The following PYGO1 variants were observed in gnomAD, a reference collection of about 807,000 sequenced individuals.
PYGO1 encodes the protein pygopus homolog 1.
PYGO1 carries 6 observed loss-of-function variants against 29.5 expected under a neutral mutation model. The ratio of observed to expected loss-of-function variants is 0.20; its 90% CI spans 0.11 to 0.40. The LOEUF (loss-of-function observed/expected upper bound fraction) is 0.40. Ranked by LOEUF, PYGO1 falls within the 10% of genes least tolerant of loss-of-function variation. The probability of loss-of-function intolerance (pLI) is 1.00; values close to 1 mark genes in which losing one functional copy is unlikely to be tolerated. For synonymous variants in PYGO1, 186 were observed against 180.5 expected, an observed-to-expected ratio of 1.03 and a Z score of -0.24; for missense variants, 515 against 514.9, an observed-to-expected ratio of 1.00 and a Z score of 0.00.
chr15:55,546,236 C>T lies in PYGO1; in HGVS notation c.1047G>A (p.Glu349=), dbSNP rs1220138353. 1.2e-6 allele frequency: 2 copies of T among 1,614,172 alleles called. No homozygotes were observed. Among genetic ancestry groups the T allele is most frequent in the Admixed American group, 1.7e-5 (1 of 60,028 alleles). Residue 349 remains glutamate (E), a synonymous_variant, in exon 3 of 3, where the codon GAG becomes GAA. Transcript: ENST00000563719. ...AGATGGCATCCTGATCATCGTTCAC[C>T]TCGTTTGTACAAATTCCACAAGGAT... is the stretch of plus-strand genomic sequence containing the variant. ...PVYPCGICTN[E]VNDDQDAILC...
rs902153248 is a variant in PYGO1, at chr15:55,548,899, T to G, written c.135+11A>C. ...AAAGAAAAACTTTTATTAAAGAAAA[T>G]GTCAGTTTACCTGTGTATTTGCCTT... On this transcript the variant is annotated intron_variant, in intron 2 of 2. Coordinates refer to ENST00000563719, the MANE Select transcript of PYGO1 (RefSeq NM_001367806.1). 5.0e-6 allele frequency: 8 copies of G among 1,606,656 alleles called. No individual in the cohort carries two copies. The Admixed American group carries it at 8.5e-5, about 17-fold the overall frequency.
At chr15:55,564,827 G>A (rs1012380743) in intron 1 of PYGO1, among the ~76,000 whole-genome samples, 13 of 152,170 alleles carry the variant, frequency 8.5e-5, no homozygotes, top group African/African-American at 3.1e-4. Context: ...AGGATATCAA[G>A]GTATCAGTAG....
In PYGO1 at chr15:55,544,546, C is replaced by T. The variant is rs2058841428; in HGVS notation, c.*1477G>A. The T allele has an allele frequency of 6.6e-6, 1 of 152,052 alleles. No homozygotes were observed. The highest frequency in any genetic ancestry group is 6.6e-5 in the Admixed American group (1 of 15,250). The allele number at this position is 152,052 out of a possible 1,614,324, so 9.4% of individuals were successfully genotyped here. ...GAAAGTGTAGGTTCTTGTGTGTTAC[C>T]CAAAGGACATTGTTTTTAAATCACA... On this transcript the variant is annotated 3_prime_UTR_variant, in exon 3 of 3. Coordinates refer to ENST00000563719, the MANE Select transcript of PYGO1 (RefSeq NM_001367806.1).
intron 1 of PYGO1, among the ~76,000 whole-genome samples, chr15:55,567,591 G>A (rs997610606): frequency 9.9e-5 from 15 of 152,176 alleles, no homozygotes; most frequent in African/African-American, 3.4e-4. Flanking sequence ...CTTTTGCTAT[G>A]CAGAAACTCT....
At chr15:55,587,572 G>T (rs987742165) in intron 1 of PYGO1, among the ~76,000 whole-genome samples, 6 of 151,928 alleles carry the variant, frequency 3.9e-5, no homozygotes, top group African/African-American at 1.4e-4. Context: ...GGGTGAGGAG[G>T]GGGTAAGAAA....
At chr15:55,582,206 CAAAAAAAA>C (rs58715888) in intron 1 of PYGO1, among the ~76,000 whole-genome samples, 1 of 104,088 alleles carries the variant, frequency 9.6e-6, no homozygotes, top group Non-Finnish European at 1.8e-5. Flanking sequence ...GGCTCCATCT[CAAAAAAAA>C]AAAAAAAAAA....
At chr15:55,580,251 G>A (rs1483960086) in intron 1 of PYGO1, among the ~76,000 whole-genome samples, 2 of 152,258 alleles carry the variant, frequency 1.3e-5, no homozygotes, top group East Asian at 1.9e-4. Flanking sequence ...ACAAAACGGT[G>A]AAACCTCAGA....
chr15:55,584,348 T>C (rs2059038002), intron 1 of PYGO1, among the ~76,000 whole-genome samples: 1 of 152,118 alleles, frequency 6.6e-6, no homozygotes, highest in South Asian at 2.1e-4. Context: ...TGGAGTCAAG[T>C]AATCCACCTG....
intron 2 of PYGO1, among the ~76,000 whole-genome samples, chr15:55,548,204 G>C (rs983716756): frequency 6.6e-6 from 1 of 151,826 alleles, no homozygotes; most frequent in African/African-American, 2.4e-5. Context: ...ATTTTTAGTA[G>C]AGAAGGGCTT....
chr15:55,570,831 T>C (rs1312865183), intron 1 of PYGO1, among the ~76,000 whole-genome samples: 1 of 152,160 alleles, frequency 6.6e-6, no homozygotes, highest in African/African-American at 2.4e-5. Context: ...CTCTCAGGTT[T>C]TTTTCCTAAT....
intron 1 of PYGO1, among the ~76,000 whole-genome samples, chr15:55,576,882 G>C (rs367654946): frequency 1.1e-4 from 16 of 151,852 alleles, no homozygotes; most frequent in African/African-American, 3.4e-4. Flanking sequence ...TATGAGGTAG[G>C]TGTGAAAGTA....
At chr15:55,579,618 C>T (rs1257620220) in intron 1 of PYGO1, among the ~76,000 whole-genome samples, 1 of 152,090 alleles carries the variant, frequency 6.6e-6, no homozygotes, top group Non-Finnish European at 1.5e-5. Flanking sequence ...TGGGTTCAAG[C>T]AATCTTACTA....
intron 1 of PYGO1, among the ~76,000 whole-genome samples, chr15:55,570,989 C>A (rs912820816): frequency 2.0e-5 from 3 of 152,146 alleles, no homozygotes; most frequent in Admixed American, 2.0e-4. Context: ...TCTTGTAAAA[C>A]TGAAACTATA....
chr15:55,553,106 A>G (rs1361239405), intron 1 of PYGO1, among the ~76,000 whole-genome samples: 2 of 152,216 alleles, frequency 1.3e-5, no homozygotes, highest in Non-Finnish European at 2.9e-5. Flanking sequence ...TCTACAATGC[A>G]GCACAGCTGC....
intron 1 of PYGO1, among the ~76,000 whole-genome samples, chr15:55,582,621 A>G (rs2059029792): frequency 6.6e-6 from 1 of 152,094 alleles, no homozygotes; most frequent in Non-Finnish European, 1.5e-5. Context: ...ATTAGTATTT[A>G]TCTGTTTACT....
chr15:55,554,820 G>C (rs1047947149), intron 1 of PYGO1, among the ~76,000 whole-genome samples: 4 of 152,028 alleles, frequency 2.6e-5, no homozygotes, highest in East Asian at 1.9e-4. Context: ...GACAAGAATA[G>C]AGAAAAAGGA....
chr15:55,555,956 C>G (rs1048280862), intron 1 of PYGO1, among the ~76,000 whole-genome samples: 2 of 152,012 alleles, frequency 1.3e-5, no homozygotes, highest in African/African-American at 4.8e-5. Context: ...GAATAGCTAA[C>G]TATCCTAAAT....
rs2058837607 is a variant in PYGO1 at position 55,543,743 on chromosome 15, A to G, written c.*2280T>C. The G allele has an allele frequency of 6.6e-6, 1 of 152,212 alleles. No homozygotes were observed. The highest frequency in any genetic ancestry group is 2.4e-5 in the African/African-American group (1 of 41,448). The allele number at this position is 152,212 out of a possible 1,614,324, so 9.4% of individuals were successfully genotyped here. The stretch of plus-strand genomic sequence containing the variant: ...GTGTTAACTCCTGAGAACACTGGAA[A>G]GTTCTACTCAAAATATCTATCATCT... On this transcript the variant is annotated 3_prime_UTR_variant, in exon 3 of 3. Transcript: ENST00000563719.
intron 1 of PYGO1, among the ~76,000 whole-genome samples, chr15:55,568,927 C>A (rs763437282): frequency 6.6e-6 from 1 of 152,118 alleles, no homozygotes; most frequent in African/African-American, 2.4e-5. Context: ...ACCTTGCACC[C>A]CAGGACTGAA....
Sources: allele counts gnomAD v4.1 joint callset (sites outside exome capture counted in the v4.1 genomes callset), GRCh38; gene constraint gnomAD v4.1.1; transcripts MANE v1.5; gene names NCBI Gene and HGNC (gene_info 2026-07-23, HGNC 2026-07-21).